The following OR7A10 variants were observed in gnomAD, a reference collection of about 807,000 sequenced individuals.
The protein encoded by OR7A10 is olfactory receptor family 7 subfamily A member 10.
For missense variants in OR7A10, 358 were observed against 370.1 expected, an observed-to-expected ratio of 0.97 and a Z score of 0.27; for synonymous variants, 144 against 144.5, an observed-to-expected ratio of 1.00 and a Z score of 0.02.
At chr19:14,846,093 G>T (rs1474819780) in intron 1 of OR7A10, among the ~76,000 whole-genome samples, 1 of 152,126 alleles carries the variant, frequency 6.6e-6, no homozygotes, top group African/African-American at 2.4e-5. Context: ...GGCGGAGGTT[G>T]CAGTAAGCCG....
At chr19:14,842,326 A>G (rs570046340) in intron 1 of OR7A10, among the ~76,000 whole-genome samples, 1 of 152,208 alleles carries the variant, frequency 6.6e-6, no homozygotes, top group South Asian at 2.1e-4. Flanking sequence ...GTCTTAACTC[A>G]TTGCAACCTC....
chr19:14,845,243 G>A (rs549078940), intron 1 of OR7A10, among the ~76,000 whole-genome samples: 30 of 152,130 alleles, frequency 2.0e-4, no homozygotes, highest in African/African-American at 6.7e-4. Context: ...GGGAGGCTGA[G>A]GCAGGCGGAC....
At position 14,844,666 on chromosome 19, in the gene OR7A10, T is replaced by TTTTTGTTTTTTG. The variant is rs1366971981; in HGVS notation, c.-12-2778_-12-2777insCAAAAAACAAAA. Among the ~76,000 whole-genome samples the TTTTTGTTTTTTG allele has an allele frequency of 1.4e-4, 18 of 131,948 alleles. No individual in the cohort carries two copies. In the South Asian group the frequency reaches 1.9e-3, roughly 14 times the overall value. The allele number at this position is 131,948 out of a possible 152,430, so 86.6% of individuals were successfully genotyped here. A position where few individuals can be genotyped will look rare whatever the true frequency, so the allele number is the denominator to read the frequency against. On this transcript the variant is annotated intron_variant, in intron 1 of 1. Coordinates refer to ENST00000641129, the MANE Select transcript of OR7A10 (RefSeq NM_001005190.2). Reference sequence around the variant, plus strand: ...TTCACTGTTGCCTTGAGTTCTGTGTTTTTTTTTTTTTTTTGAGATGGAGTC... The same window carrying TTTTTGTTTTTTG: ...TTCACTGTTGCCTTGAGTTCTGTGTTTTTTGTTTTTTGTTTTTTTTTTTTTTGAGATGGAGTC...
At chr19:14,841,989 C>A (rs1177313103) in intron 1 of OR7A10, 100 bp from the exon 2 acceptor site, 2 of 711,396 alleles carry the variant, frequency 2.8e-6, no homozygotes, top group Non-Finnish European at 4.6e-6. Context: ...ATTCCACAGT[C>A]AAGAAGTTAA....
At chr19:14,845,638 G>A (rs1165847720) in intron 1 of OR7A10, among the ~76,000 whole-genome samples, 2 of 152,148 alleles carry the variant, frequency 1.3e-5, no homozygotes, top group African/African-American at 4.8e-5. Context: ...AGGGAGAGAA[G>A]GGAAACTCTA....
intron 1 of OR7A10, among the ~76,000 whole-genome samples, chr19:14,847,656 G>A (rs780324466): frequency 5.9e-4 from 90 of 151,890 alleles, no homozygotes; most frequent in Admixed American, 1.0e-3. Context: ...GACTACAAGC[G>A]CCCGCCACCA....
intron 1 of OR7A10, among the ~76,000 whole-genome samples, chr19:14,846,602 C>T (rs1029781708): frequency 2.0e-5 from 3 of 149,022 alleles, no homozygotes; most frequent in Non-Finnish European, 3.0e-5. Context: ...CCCAGCTACT[C>T]GGGAGGCTGA....
intron 1 of OR7A10, among the ~76,000 whole-genome samples, chr19:14,845,762 C>T (rs1415305713): frequency 1.3e-5 from 2 of 152,200 alleles, no homozygotes; most frequent in African/African-American, 4.8e-5. Flanking sequence ...TTCTAAGCCA[C>T]ATTATTCATT....
rs777062475 is a variant in OR7A10 at position 14,841,653 on chromosome 19, A to G, written c.225T>C (p.Ser75=). The change falls in exon 2 of 2, where the codon TCT becomes TCC. Residue 75 remains serine (S), a synonymous_variant. Coordinates refer to ENST00000641129, the MANE Select transcript of OR7A10 (RefSeq NM_001005190.2). ...TCACCAGCATCTTCGGGACAGTGGT[A>G]GAGACAAAACAGATGTCTACGAAGG... ...NLSFVDICFV[S]TTVPKMLVNI... is the part of the protein sequence containing the mutation. The G allele has an allele frequency of 3.1e-6, 5 of 1,614,186 alleles. No homozygotes were observed. The highest frequency in any genetic ancestry group is 1.7e-5 in the Admixed American group (1 of 60,016).
At chr19:14,845,221 T>A (rs2044936687) in intron 1 of OR7A10, among the ~76,000 whole-genome samples, 1 of 151,732 alleles carries the variant, frequency 6.6e-6, no homozygotes, top group South Asian at 2.1e-4. Context: ...ACGCCTGTAA[T>A]CCCAGCACTT....
chr19:14,848,913 A>T lies in OR7A10; in HGVS notation c.-426T>A, dbSNP rs555206619. 7 of 152,282 alleles carry T rather than the reference A, an allele frequency of 4.6e-5. No homozygotes were observed. The South Asian group carries it at 1.4e-3, about 32-fold the overall frequency. 9.4% of individuals were successfully genotyped at this position (152,282 alleles called of 1,614,324 possible). A position where few individuals can be genotyped will look rare whatever the true frequency, so the allele number is the denominator to read the frequency against. On this transcript the variant is annotated 5_prime_UTR_variant, in exon 1 of 2. It adds an upstream start codon to the 5' untranslated region. Transcript: ENST00000641129. ...TCTCCATGGATTTGTCTGCCTTCCA[A>T]AGGTCTAACCTCCCATCACTTCCCT...
intron 1 of OR7A10, among the ~76,000 whole-genome samples, chr19:14,845,051 GCACA>G (rs748918922): frequency 1.5e-4 from 20 of 137,314 alleles, no homozygotes; most frequent in Admixed American, 5.6e-4. Flanking sequence ...CCCTAGAGGT[GCACA>G]CACACACACA....
In OR7A10 at chr19:14,847,907, G is replaced by A. The variant is rs551165845; in HGVS notation, c.-13+593C>T. Among the ~76,000 whole-genome samples the A allele has an allele frequency of 8.9e-4, 135 of 151,816 alleles. 2 individuals are homozygous for A. The South Asian group carries it at 0.027, about 31-fold the overall frequency. ...TGGGAGGCCGAGGTGGGTGGATCAC[G>A]AGGTTAAGAGATTGAGACCATCCTG... On this transcript the variant is annotated intron_variant, in intron 1 of 1. Transcript: ENST00000641129.
In OR7A10 at chr19:14,840,894, G is replaced by T; in HGVS notation, c.*54C>A. 8.0e-7 allele frequency: 1 copy of T among 1,249,936 alleles called. No individual in the cohort carries two copies. Among genetic ancestry groups the T allele is most frequent in the Non-Finnish European group, 1.1e-6 (1 of 889,012 alleles). 77.4% of individuals were successfully genotyped at this position (1,249,936 alleles called of 1,614,324 possible). On this transcript the variant is annotated 3_prime_UTR_variant, in exon 2 of 2. Coordinates refer to ENST00000641129, the MANE Select transcript of OR7A10 (RefSeq NM_001005190.2). ...ATCTTATTAACAAATCACCATTTCT[G>T]GCTCTGGGGCTTAGAGCTCTGAAGT...
At chr19:14,842,608 C>A (rs1359409422) in intron 1 of OR7A10, among the ~76,000 whole-genome samples, 1 of 152,172 alleles carries the variant, frequency 6.6e-6, no homozygotes, top group Non-Finnish European at 1.5e-5. Context: ...TTAGTAAGAA[C>A]ATATGGTATT....
intron 1 of OR7A10, among the ~76,000 whole-genome samples, chr19:14,848,294 G>A (rs1290661990): frequency 6.6e-6 from 1 of 151,874 alleles, no homozygotes; most frequent in Non-Finnish European, 1.5e-5. Flanking sequence ...CTTGATTGTC[G>A]GCTATCATTC....
intron 1 of OR7A10, among the ~76,000 whole-genome samples, chr19:14,846,484 CAT>C (rs2044943225): frequency 6.6e-6 from 1 of 151,460 alleles, no homozygotes; most frequent in Admixed American, 6.6e-5. Flanking sequence ...AATTTAATAA[CAT>C]CAAAATGGGT....
intron 1 of OR7A10, among the ~76,000 whole-genome samples, chr19:14,847,587 T>A (rs2044948740): frequency 6.6e-6 from 1 of 152,072 alleles, no homozygotes; most frequent in Admixed American, 6.5e-5. Flanking sequence ...CTCGGCTCAA[T>A]GCAAGCTCCA....
intron 1 of OR7A10, among the ~76,000 whole-genome samples, chr19:14,845,235 G>A (rs983378074): frequency 6.6e-6 from 1 of 152,006 alleles, no homozygotes; most frequent in African/African-American, 2.4e-5. Flanking sequence ...AGCACTTTGG[G>A]AGGCTGAGGC....
Sources: gnomAD v4.1 joint callset for allele counts (sites outside exome capture counted in the v4.1 genomes callset) on GRCh38, gnomAD v4.1.1 for gene constraint, MANE v1.5 for transcripts, NCBI Gene and HGNC (gene_info 2026-07-23, HGNC 2026-07-21) for gene names.